TDRD12: variants seen among roughly 807,000 people sequenced by gnomAD.
The protein encoded by TDRD12 is putative ATP-dependent RNA helicase TDRD12.
Under a neutral mutation model 133.5 loss-of-function variants are expected in TDRD12, and 158 were observed. The observed-to-expected ratio is 1.18, with a 90% CI of 1.04 to 1.35. The LOEUF (loss-of-function observed/expected upper bound fraction) is 1.35. Among genes scored for constraint, TDRD12 ranks in the 40% most tolerant of loss-of-function variants. The pLI is 0.00. For missense variants in TDRD12, 1,443 were observed against 1,321.3 expected, an observed-to-expected ratio of 1.09 and a Z score of -1.43; for synonymous variants, 460 against 477.9, an observed-to-expected ratio of 0.96 and a Z score of 0.49.
intron 9 of TDRD12, 120 bp downstream of exon 32, chr19:32,826,869 A>C (rs1196868599): frequency 1.6e-6 from 1 of 634,620 alleles, no homozygotes; most frequent in Non-Finnish European, 2.3e-6. Flanking sequence ...AAGCCCTGAG[A>C]AATCAGTTTT....
intron 8 of TDRD12, among the ~76,000 whole-genome samples, chr19:32,771,640 G>C (rs1970446802): frequency 6.7e-6 from 1 of 149,838 alleles, no homozygotes; most frequent in East Asian, 2.0e-4. Flanking sequence ...TGCGGACTTA[G>C]TGATTTTTGT....
chr19:32,742,441 G>A (rs1969457932), intron 3 of TDRD12, among the ~76,000 whole-genome samples: 1 of 152,234 alleles, frequency 6.6e-6, no homozygotes, highest in South Asian at 2.1e-4. Context: ...GATTACAGGT[G>A]TGAACCACCA....
exon 18 of TDRD12, chr19:32,800,668 G>A: frequency 6.5e-7 from 1 of 1,535,256 alleles, no homozygotes; most frequent in Non-Finnish European, 8.7e-7. Context: ...CCTAGAATGT[G>A]AAAAAACTTC....
rs1251308680 is a variant in TDRD12 at position 32,756,995 on chromosome 19, C to T, written c.773-43C>T. 4 of 1,494,008 alleles carry T rather than the reference C, an allele frequency of 2.7e-6. No individual in the cohort carries two copies. The South Asian group carries it at 4.8e-5, about 18-fold the overall frequency. The allele number at this position is 1,494,008 out of a possible 1,614,324, so 92.5% of individuals were successfully genotyped here. The stretch of plus-strand genomic sequence containing the variant: ...AACGAGTTCACATTTTTATTTTGGG[C>T]TTTATTTCATGCTTTAATTCTGAAA... On this transcript the variant is annotated intron_variant, in intron 7 of 27. Transcript: ENST00000444215.
At chr19:32,776,148 T>G (rs2145611063) in intron 10 of TDRD12, among the ~76,000 whole-genome samples, 1 of 152,358 alleles carries the variant, frequency 6.6e-6, no homozygotes, top group Non-Finnish European at 1.5e-5. Context: ...CCCTCACAGT[T>G]ACCAATTTCT....
At chr19:32,795,605 CCTT>C (rs1446060322) in intron 14 of TDRD12, among the ~76,000 whole-genome samples, 1 of 152,154 alleles carries the variant, frequency 6.6e-6, no homozygotes, top group African/African-American at 2.4e-5. Flanking sequence ...GCTTCATAAT[CCTT>C]CTTAACTTTT....
chr19:32,784,885 T>C (rs1970863186), intron 11 of TDRD12, among the ~76,000 whole-genome samples: 1 of 152,196 alleles, frequency 6.6e-6, no homozygotes, highest in African/African-American at 2.4e-5. Flanking sequence ...TTCTTCTTTA[T>C]TAGTCTTGCT....
chr19:32,735,875 C>A (rs1683760605), intron 2 of TDRD12, among the ~76,000 whole-genome samples: 1 of 152,138 alleles, frequency 6.6e-6, no homozygotes, highest in South Asian at 2.1e-4. Context: ...GAGGCTGAGG[C>A]AGGAGAATTG....
exon 5 of TDRD12, chr19:32,748,528 A>G: frequency 6.4e-7 from 1 of 1,551,414 alleles, no homozygotes; most frequent in Non-Finnish European, 8.7e-7. Flanking sequence ...GAACCTTCTG[A>G]AAGGTAAGCC....
rs1599604081 is a variant in TDRD12 at position 32,800,766 on chromosome 19, G to A, written c.2073G>A (p.Val691=). ...GCTCTGTAGCTGAAACAGAAATAGT[G>A]TGTAAGGTGAGTCCATCTCCATATA... Residue 691 remains valine (V), a synonymous_variant, in exon 18 of 28, where the codon GTG becomes GTA. Coordinates refer to ENST00000444215, the Ensembl canonical transcript of TDRD12. The A allele has an allele frequency of 3.3e-6, 5 of 1,530,848 alleles. 1 individual carries two copies. The highest frequency in any genetic ancestry group is 2.0e-5 in the Admixed American group (1 of 49,632). 94.8% of individuals were successfully genotyped at this position (1,530,848 alleles called of 1,614,324 possible).
chr19:32,771,230 G>A (rs1970435019), intron 8 of TDRD12, among the ~76,000 whole-genome samples: 1 of 152,178 alleles, frequency 6.6e-6, no homozygotes, highest in Non-Finnish European at 1.5e-5. Flanking sequence ...GAGTGCAGTG[G>A]CACAGTCTCA....
chr19:32,773,561 G>A lies in TDRD12; in HGVS notation c.1040+29G>A. Reference sequence around the variant, plus strand: ...TGATTTGAAAATTCAAACTGGGTGTGGTGGCGCCTGCCTGTAGTCCCAGCT... The same window carrying A: ...TGATTTGAAAATTCAAACTGGGTGTAGTGGCGCCTGCCTGTAGTCCCAGCT... On this transcript the variant is annotated intron_variant, in intron 10 of 27. Transcript: ENST00000444215. 1.9e-6 allele frequency: 3 copies of A among 1,544,152 alleles called. No individual in the cohort carries two copies. In the South Asian group the frequency reaches 3.6e-5, roughly 18 times the overall value.
chr19:32,803,614 G>A (rs1971461835), intron 21 of TDRD12, among the ~76,000 whole-genome samples: 1 of 152,124 alleles, frequency 6.6e-6, no homozygotes, highest in Non-Finnish European at 1.5e-5. Flanking sequence ...TTTCTCTTGG[G>A]TAGACGCTCC....
At position 32,791,214 on chromosome 19, in the gene TDRD12, C is replaced by T. The variant is rs550896241; in HGVS notation, c.1287+146C>T. The T allele has an allele frequency of 8.2e-6, 7 of 855,068 alleles. No homozygotes were observed. In the East Asian group the frequency reaches 2.0e-4, roughly 24 times the overall value. 53.0% of individuals were successfully genotyped at this position (855,068 alleles called of 1,614,324 possible). A position where few individuals can be genotyped will look rare whatever the true frequency, so the allele number is the denominator to read the frequency against. On this transcript the variant is annotated intron_variant, in intron 13 of 27. Transcript: ENST00000444215. Reference sequence around the variant, plus strand: ...TTTATTTGAGATTACAGGCATGAGCCACCACACTCGGCCTAATTTCTCATT... The same window carrying T: ...TTTATTTGAGATTACAGGCATGAGCTACCACACTCGGCCTAATTTCTCATT...
rs111690544 is a variant in TDRD12 at position 32,746,352 on chromosome 19, G to C, written c.441-2124G>C. 1.2e-4 allele frequency among the ~76,000 whole-genome samples: 11 copies of C among 88,670 alleles called. No individual in the cohort carries two copies. In the East Asian group the frequency reaches 1.3e-3, roughly 10 times the overall value. The allele number at this position is 88,670 out of a possible 152,430, so 58.2% of individuals were successfully genotyped here. On this transcript the variant is annotated intron_variant, in intron 4 of 27. Coordinates refer to ENST00000444215, the Ensembl canonical transcript of TDRD12. ...GTGGTTATTCTGTGTGTGACAGAGAGGGGGAGAGAGACTGGCTGATGTGGT... is the reference window on the plus strand; with the variant it reads ...GTGGTTATTCTGTGTGTGACAGAGACGGGGAGAGAGACTGGCTGATGTGGT...
chr19:32,829,090 C>T (rs1042454414), exon 10 of TDRD12: 19 of 152,310 alleles, frequency 1.2e-4, no homozygotes, highest in African/African-American at 4.6e-4. Context: ...GCTCTTCTAA[C>T]ACCCATATCA....
intron 6 of TDRD12, among the ~76,000 whole-genome samples, chr19:32,753,513 T>C (rs1222928093): frequency 6.6e-6 from 1 of 151,840 alleles, no homozygotes; most frequent in Non-Finnish European, 1.5e-5. Flanking sequence ...TCTTATTCTT[T>C]TTTTTTTCCT....
At chr19:32,751,637 C>T (rs188410859) in intron 6 of TDRD12, among the ~76,000 whole-genome samples, 203 of 151,296 alleles carry the variant, frequency 1.3e-3, no homozygotes, top group African/African-American at 4.3e-3. Context: ...TGGAGTACAG[C>T]GGCACAATTG....
chr19:32,822,746 CA>C (rs61143161), downstream of TDRD12, among the ~76,000 whole-genome samples: 524 of 139,790 alleles, frequency 3.7e-3, 3 homozygotes, highest in Middle Eastern at 7.5e-3. Context: ...GACTCCATCT[CA>C]AAAAAAAAAA....
Sources: gnomAD v4.1 joint callset for allele counts (sites outside exome capture counted in the v4.1 genomes callset) on GRCh38, gnomAD v4.1.1 for gene constraint, MANE v1.5 for transcripts, NCBI Gene and HGNC (gene_info 2026-07-23, HGNC 2026-07-21) for gene names.